TSPEAR: variants seen among roughly 807,000 people sequenced by gnomAD.
TSPEAR encodes the protein thrombospondin-type laminin G domain and EAR repeat-containing protein.
In TSPEAR, 69 loss-of-function variants were observed where a neutral mutation model predicts 71.6. That is an observed-to-expected ratio of 0.96 (90% CI 0.79 to 1.18). The LOEUF (loss-of-function observed/expected upper bound fraction) is 1.18, where lower values mean the gene tolerates loss of function less well. Ranked by LOEUF, TSPEAR falls within the 50% of genes most tolerant of loss-of-function variation. The probability of loss-of-function intolerance (pLI) is 0.00; values close to 1 mark genes in which losing one functional copy is unlikely to be tolerated. For missense variants in TSPEAR, 971 were observed against 894.9 expected (o/e 1.09, Z -1.09); for synonymous variants, 402 against 387.2 (o/e 1.04, Z -0.45).
chr21:44,677,539 C>G (rs1986374180), intron 1 of TSPEAR: 1 of 838,714 alleles, frequency 1.2e-6, no homozygotes, highest in South Asian at 1.4e-5. Context: ...CATGGTCGTT[C>G]CCTTATAGAA....
At chr21:44,515,837 C>T (rs1555913365) in intron 9 of TSPEAR, 1 of 152,266 alleles carries the variant, frequency 6.6e-6, no homozygotes, top group African/African-American at 2.4e-5. Context: ...GTCCCGACGT[C>T]ATTTCATGAA....
chr21:44,594,932 C>T (rs1980262286), intron 1 of TSPEAR, among the ~76,000 whole-genome samples: 1 of 151,138 alleles, frequency 6.6e-6, no homozygotes, highest in Non-Finnish European at 1.5e-5. Context: ...AGCAATTCTC[C>T]TGCCTCAGCC....
chr21:44,652,314 G>C (rs587705696), intron 1 of TSPEAR, among the ~76,000 whole-genome samples: 4 of 152,216 alleles, frequency 2.6e-5, no homozygotes, highest in Non-Finnish European at 5.9e-5. Context: ...TTTTTCCTTA[G>C]ATGAAAATCA....
intron 9 of TSPEAR, among the ~76,000 whole-genome samples, chr21:44,513,246 C>A (rs1215857237): frequency 6.6e-6 from 1 of 152,172 alleles, no homozygotes; most frequent in Non-Finnish European, 1.5e-5. Flanking sequence ...TGTCAGAAGC[C>A]CCTTGCAGGT....
intron 9 of TSPEAR, among the ~76,000 whole-genome samples, chr21:44,513,822 G>A (rs764016272): frequency 4.6e-5 from 7 of 152,182 alleles, no homozygotes; most frequent in Non-Finnish European, 8.8e-5. Context: ...GCCACCAGAA[G>A]GCAGTTCCCC....
At position 44,525,734 on chromosome 21, in the gene TSPEAR, T is replaced by C. The variant is rs1555914847; in HGVS notation, c.1255A>G (p.Ile419Val). 6.2e-7 allele frequency: 1 copy of C among 1,614,138 alleles called. No individual in the cohort carries two copies. The highest frequency in any genetic ancestry group is 2.2e-5 in the East Asian group (1 of 44,888). The change falls in exon 8 of 12, where the codon ATT becomes GTT. Residue 419 changes from isoleucine (I) to valine (V), a missense_variant. Coordinates refer to ENST00000323084, the MANE Select transcript of TSPEAR (RefSeq NM_144991.3). ...CAGTCTCGGGCGCTGTGTGTGGCAA[T>C]GCTCTGATATGGGGTAAACTTCAGC... Reference protein sequence around the residue: ...RKLKFTPYQSIATHSARDWEA... With the variant: ...RKLKFTPYQSVATHSARDWEA...
At chr21:44,535,890 G>A (rs1434213316) in intron 2 of TSPEAR, among the ~76,000 whole-genome samples, 1 of 102,024 alleles carries the variant, frequency 9.8e-6, no homozygotes, top group African/African-American at 5.3e-5. Context: ...CAATTTCTAT[G>A]TTTATCAAAA....
At chr21:44,588,965 A>G (rs1979552149) in intron 1 of TSPEAR, among the ~76,000 whole-genome samples, 1 of 151,936 alleles carries the variant, frequency 6.6e-6, no homozygotes, top group South Asian at 2.1e-4. Flanking sequence ...ATACAAAGGC[A>G]TAAGAATGAC....
At chr21:44,665,680 A>G (rs1985713557) in intron 1 of TSPEAR, among the ~76,000 whole-genome samples, 1 of 152,168 alleles carries the variant, frequency 6.6e-6, no homozygotes, top group South Asian at 2.1e-4. Context: ...TCTCATTTCT[A>G]TGTCAGGCAG....
chr21:44,594,900 G>A (rs1022020380), intron 1 of TSPEAR, among the ~76,000 whole-genome samples: 8 of 140,978 alleles, frequency 5.7e-5, no homozygotes, highest in East Asian at 2.1e-4. Context: ...TCAGCTCACC[G>A]CAGCCTCCAC....
At chr21:44,691,218 A>G (rs1456029086) in intron 1 of TSPEAR, among the ~76,000 whole-genome samples, 1 of 152,040 alleles carries the variant, frequency 6.6e-6, no homozygotes, top group African/African-American at 2.4e-5. Context: ...CTCTCTCCCC[A>G]AGCTCTAAGA....
At chr21:44,578,289 A>C (rs1286038392) in intron 1 of TSPEAR, among the ~76,000 whole-genome samples, 6 of 152,246 alleles carry the variant, frequency 3.9e-5, no homozygotes, top group Admixed American at 2.6e-4. Flanking sequence ...AACAGCTTAG[A>C]TGAAATAGGC....
At position 44,695,247 on chromosome 21, in the gene TSPEAR, C is replaced by G. The variant is rs1190347484; in HGVS notation, c.82+16186G>C. The stretch of plus-strand genomic sequence containing the variant: ...CACTCTCCTGGTCCTGTCCTGGCAC[C>G]TTTGCTCCCACTGGACTGGACGCTG... On this transcript the variant is annotated intron_variant, in intron 1 of 11. Coordinates refer to ENST00000323084, the MANE Select transcript of TSPEAR (RefSeq NM_144991.3). This position sits in a 1 kb window ranked among gnomAD's most constrained non-coding sequence, Gnocchi z 4.5. Among the ~76,000 whole-genome samples, 1 of 152,212 alleles carries G rather than the reference C, an allele frequency of 6.6e-6. No homozygotes were observed. The highest frequency in any genetic ancestry group is 2.4e-5 in the African/African-American group (1 of 41,456).
chr21:44,588,596 A>G (rs1979496789), intron 1 of TSPEAR, among the ~76,000 whole-genome samples: 1 of 151,344 alleles, frequency 6.6e-6, no homozygotes, highest in African/African-American at 2.4e-5. Flanking sequence ...TAGCAGCACA[A>G]TTCGCAATTG....
At chr21:44,670,621 A>G (rs944229086) in intron 1 of TSPEAR, among the ~76,000 whole-genome samples, 9 of 152,170 alleles carry the variant, frequency 5.9e-5, no homozygotes, top group Non-Finnish European at 1.3e-4. Flanking sequence ...AACCCTAGCC[A>G]TGGGAGAGCC....
At chr21:44,644,674 A>T (rs1414798867) in intron 1 of TSPEAR, among the ~76,000 whole-genome samples, 1 of 152,236 alleles carries the variant, frequency 6.6e-6, no homozygotes, top group African/African-American at 2.4e-5. Context: ...AGAAAAAAAC[A>T]TTTAAAAACT....
intron 7 of TSPEAR, 26 bp downstream of exon 7, chr21:44,527,266 G>C (rs971274558): frequency 5.1e-5 from 83 of 1,612,778 alleles, no homozygotes; most frequent in Non-Finnish European, 7.0e-5. Flanking sequence ...AAAGGGGATG[G>C]AGAAAGTCAC....
At chr21:44,509,072 T>C in intron 10 of TSPEAR, 127 bp downstream of exon 10, 6 of 1,383,490 alleles carry the variant, frequency 4.3e-6, no homozygotes, top group African/African-American at 2.9e-5. Flanking sequence ...GGCCATTCTT[T>C]CCACAGGAAG....
At chr21:44,573,637 T>A in intron 1 of TSPEAR, 1 of 1,504,578 alleles carries the variant, frequency 6.6e-7, no homozygotes. Flanking sequence ...CTGAGCCTCC[T>A]GTCTGGACAA....
Sources: gnomAD v4.1 joint callset for allele counts (sites outside exome capture counted in the v4.1 genomes callset) on GRCh38, gnomAD v4.1.1 for gene constraint, Gnocchi (gnomAD v3.1) non-coding constraint, MANE v1.5 for transcripts, NCBI Gene and HGNC (gene_info 2026-07-23, HGNC 2026-07-21) for gene names.